ITGA11: variants seen among roughly 807,000 people sequenced by gnomAD.
The protein encoded by ITGA11 is integrin alpha-11.
Under a neutral mutation model 141.9 loss-of-function variants are expected in ITGA11, and 97 were observed. That is an observed-to-expected ratio of 0.68 (90% CI 0.58 to 0.81). ITGA11 has a LOEUF of 0.81. Among genes scored for constraint, ITGA11 ranks in the 30% least tolerant of loss-of-function variants. The pLI is 0.00. For synonymous variants in ITGA11, 658 were observed against 624.6 expected, an observed-to-expected ratio of 1.05 and a Z score of -0.80; for missense variants, 1,387 against 1,559.2, an observed-to-expected ratio of 0.89 and a Z score of 1.86.
At chr15:68,427,620 C>T (rs2140445226) in intron 1 of ITGA11, among the ~76,000 whole-genome samples, 1 of 152,294 alleles carries the variant, frequency 6.6e-6, no homozygotes, top group Admixed American at 6.5e-5. Flanking sequence ...AGTATGAAAA[C>T]TCTCCATGGA....
intron 26 of ITGA11, 74 bp downstream of exon 26, chr15:68,310,920 G>A: frequency 8.6e-7 from 1 of 1,164,102 alleles, no homozygotes; most frequent in Non-Finnish European, 1.3e-6. Context: ...GGTCGGGAGG[G>A]AAATGGCCCG....
intron 2 of ITGA11, among the ~76,000 whole-genome samples, chr15:68,396,357 G>A (rs1896241179): frequency 6.6e-6 from 1 of 151,792 alleles, no homozygotes; most frequent in South Asian, 2.1e-4. Context: ...ATAAAATTCA[G>A]CACCTGTTCA....
At chr15:68,314,841 C>T (rs1893515582) in intron 22 of ITGA11, among the ~76,000 whole-genome samples, 1 of 152,194 alleles carries the variant, frequency 6.6e-6, no homozygotes, top group African/African-American at 2.4e-5. Flanking sequence ...TGACCTCTGA[C>T]CTGCACGTGT....
chr15:68,312,013 T>G (rs529782620), intron 24 of ITGA11, among the ~76,000 whole-genome samples: 129 of 152,302 alleles, frequency 8.5e-4, no homozygotes, highest in Middle Eastern at 3.4e-3. Context: ...GGGCTCAGCA[T>G]GTCTGAAGTC....
At chr15:68,369,125 C>T in intron 3 of ITGA11, 59 bp downstream of exon 3, 2 of 1,247,818 alleles carry the variant, frequency 1.6e-6, no homozygotes, top group Non-Finnish European at 2.4e-6. Flanking sequence ...TGCATCAGAG[C>T]CTGCCTTGTG....
chr15:68,336,526 C>T (rs1007238136), intron 11 of ITGA11, among the ~76,000 whole-genome samples: 4 of 152,156 alleles, frequency 2.6e-5, no homozygotes, highest in South Asian at 2.1e-4. Context: ...TCCCCGCTCC[C>T]GGTATGGCTG....
chr15:68,371,199 TGA>T (rs148916887), intron 2 of ITGA11, among the ~76,000 whole-genome samples: 159 of 151,976 alleles, frequency 1.0e-3, no homozygotes, highest in East Asian at 8.7e-3. Flanking sequence ...GCTCCATTCT[TGA>T]GAGAGAGAGA....
At chr15:68,370,401 G>A (rs1163954772) in intron 2 of ITGA11, among the ~76,000 whole-genome samples, 1 of 152,172 alleles carries the variant, frequency 6.6e-6, no homozygotes, top group Non-Finnish European at 1.5e-5. Flanking sequence ...CCTCAGACTG[G>A]AGGGTCCCCA....
At position 68,332,040 on chromosome 15, in the gene ITGA11, G is replaced by C; in HGVS notation, c.1589C>G (p.Thr530Arg). 1.2e-6 allele frequency: 2 copies of C among 1,606,412 alleles called. No individual in the cohort carries two copies. Among genetic ancestry groups the C allele is most frequent in the Non-Finnish European group, 1.7e-6 (2 of 1,176,362 alleles). ...CTGGTAACTGTGTGAATCCTTTAGCGTTCCGTTATAAACAAACAGGTTCTG... is the reference window on the plus strand; with the variant it reads ...CTGGTAACTGTGTGAATCCTTTAGCCTTCCGTTATAAACAAACAGGTTCTG... Reference protein sequence around the residue: ...LRQNLFVYNGTLKDSHSYQNA... With the variant: ...LRQNLFVYNGRLKDSHSYQNA... The change falls in exon 14 of 30, where the codon ACG becomes AGG. Residue 530 changes from threonine to arginine, a missense_variant. Coordinates refer to ENST00000315757, the MANE Select transcript of ITGA11 (RefSeq NM_001004439.2).
chr15:68,325,379 A>C lies in ITGA11; in HGVS notation c.2212-138T>G. On this transcript the variant is annotated intron_variant, in intron 17 of 29. Transcript: ENST00000315757. The surrounding 1 kb of genome is among the most constrained non-coding windows in gnomAD (Gnocchi z 5.5). ...CCCTGTGCCCTCAGGGTGAGTCTGC[A>C]GGTGGATGGAGGTTTCTAGCGGGTC... 1.6e-6 allele frequency: 1 copy of C among 643,454 alleles called. No individual in the cohort carries two copies. Among genetic ancestry groups the C allele is most frequent in the Non-Finnish European group, 2.8e-6 (1 of 353,302 alleles). The allele number at this position is 643,454 out of a possible 1,614,324, so 39.9% of individuals were successfully genotyped here. A position where few individuals can be genotyped will look rare whatever the true frequency, so the allele number is the denominator to read the frequency against.
intron 1 of ITGA11, among the ~76,000 whole-genome samples, chr15:68,418,794 T>C (rs1284666025): frequency 2.0e-5 from 3 of 151,728 alleles, no homozygotes; most frequent in African/African-American, 7.3e-5. Context: ...AGTTTGGTTT[T>C]GGTTTTCCAA....
intron 1 of ITGA11, among the ~76,000 whole-genome samples, chr15:68,413,447 C>T (rs909284384): frequency 7.9e-5 from 12 of 152,110 alleles, no homozygotes; most frequent in African/African-American, 2.4e-4. Context: ...GGCTGAGACA[C>T]GACTTACGGT....
intron 7 of ITGA11, among the ~76,000 whole-genome samples, chr15:68,352,254 A>G (rs990634358): frequency 1.5e-4 from 22 of 149,820 alleles, no homozygotes; most frequent in Non-Finnish European, 2.5e-4. Context: ...GTGCGGTGGC[A>G]CAATCTCAGC....
At chr15:68,410,196 T>A (rs1054147837) in intron 1 of ITGA11, among the ~76,000 whole-genome samples, 2 of 152,192 alleles carry the variant, frequency 1.3e-5, no homozygotes, top group African/African-American at 4.8e-5. Context: ...AGGAAGCCGA[T>A]CTGTGGAACC....
intron 2 of ITGA11, among the ~76,000 whole-genome samples, chr15:68,380,265 G>A (rs1277107250): frequency 6.6e-6 from 1 of 152,128 alleles, no homozygotes; most frequent in Non-Finnish European, 1.5e-5. Flanking sequence ...TTTCTTGTTC[G>A]TGGGCCTGTT....
At chr15:68,384,147 G>A (rs1895927407) in intron 2 of ITGA11, among the ~76,000 whole-genome samples, 2 of 152,078 alleles carry the variant, frequency 1.3e-5, no homozygotes, top group Non-Finnish European at 2.9e-5. Context: ...AGGCCTTAGA[G>A]GGTGGAGCTG....
intron 4 of ITGA11, among the ~76,000 whole-genome samples, chr15:68,363,697 C>A (rs4776398): frequency 0.92 from 140,269 of 152,220 alleles, 65,194 homozygotes; most frequent in East Asian, 0.98. Context: ...CTGAAGTCCT[C>A]TCCTGCAACT....
At chr15:68,348,696 A>C in intron 10 of ITGA11, 134 bp downstream of exon 10, 1 of 739,352 alleles carries the variant, frequency 1.4e-6, no homozygotes, top group Non-Finnish European at 2.3e-6. Flanking sequence ...GAGAGACCCC[A>C]AGAAAGAGAG....
At chr15:68,330,591 C>T (rs1028467128) in intron 15 of ITGA11, among the ~76,000 whole-genome samples, 1 of 151,122 alleles carries the variant, frequency 6.6e-6, no homozygotes, top group Non-Finnish European at 1.5e-5. Flanking sequence ...GAAGTCAGAG[C>T]GCTTTGGAGG....
Sources: gnomAD v4.1 joint callset for allele counts (sites outside exome capture counted in the v4.1 genomes callset) on GRCh38, gnomAD v4.1.1 for gene constraint, Gnocchi (gnomAD v3.1) non-coding constraint, MANE v1.5 for transcripts, NCBI Gene and HGNC (gene_info 2026-07-23, HGNC 2026-07-21) for gene names.